Variants in CD226 observed in about 807,000 individuals in gnomAD.
CD226 encodes the protein CD226 antigen.
In CD226, 24 loss-of-function variants were observed where a neutral mutation model predicts 34.9. That is an observed-to-expected ratio of 0.69 (90% CI 0.50 to 0.97). CD226 has a LOEUF of 0.97. Ranked by LOEUF, CD226 falls within the 50% of genes least tolerant of loss-of-function variation. CD226 has a pLI of 0.00. For synonymous variants in CD226, 148 were observed against 147.4 expected, an observed-to-expected ratio of 1.00 and a Z score of -0.03; for missense variants, 397 against 412.7, an observed-to-expected ratio of 0.96 and a Z score of 0.33.
In CD226 at chr18:69,864,004, C is replaced by T. The variant is rs994182263; in HGVS notation, c.*310G>A. 5 of 200,218 alleles carry T rather than the reference C, an allele frequency of 2.5e-5. No individual in the cohort carries two copies. In the East Asian group the frequency reaches 6.3e-4, roughly 25 times the overall value. 12.4% of individuals were successfully genotyped at this position (200,218 alleles called of 1,614,324 possible). A position where few individuals can be genotyped will look rare whatever the true frequency, so the allele number is the denominator to read the frequency against. On this transcript the variant is annotated 3_prime_UTR_variant, in exon 6 of 6. Transcript: ENST00000582621. ...AAAGGGATTCAGAAGCCAGTTTATG[C>T]CCATACTTAATTCTAGACACAACAT...
upstream of CD226, among the ~76,000 whole-genome samples, chr18:69,959,597 G>A (rs914312747): frequency 5.9e-5 from 9 of 151,944 alleles, no homozygotes; most frequent in Non-Finnish European, 1.0e-4. Flanking sequence ...AAGGTGACCC[G>A]AGTTTCTCTT....
Position 69,864,274 on chromosome 18 carries a change from C to T in CD226, c.*40G>A, listed in dbSNP as rs1345045113. ...TTGCATAAAGATCCATGCATGAGTA[C>T]ATAAGAGTCATTACTAATGCACTCA... On this transcript the variant is annotated 3_prime_UTR_variant, in exon 6 of 6. Coordinates refer to ENST00000582621, the MANE Select transcript of CD226 (RefSeq NM_001303618.2). 1.9e-6 allele frequency: 3 copies of T among 1,607,268 alleles called. No individual in the cohort carries two copies. The highest frequency in any genetic ancestry group is 3.3e-5 in the Admixed American group (2 of 59,916).
chr18:69,917,966 T>G (rs2055405777), intron 2 of CD226, among the ~76,000 whole-genome samples: 1 of 152,074 alleles, frequency 6.6e-6, no homozygotes. Context: ...TGAAAACAAG[T>G]CAGCTGCCCA....
At position 69,907,324 on chromosome 18, in the gene CD226, T is replaced by G. The variant is rs1365537474; in HGVS notation, c.383-11279A>C. On this transcript the variant is annotated intron_variant, in intron 2 of 5. Transcript: ENST00000582621. ...GAACCAGATTCCTAAATGTCTTTTTTGTTTGTTTTTCAGATGGAGTCCCAC... is the reference window on the plus strand; with the variant it reads ...GAACCAGATTCCTAAATGTCTTTTTGGTTTGTTTTTCAGATGGAGTCCCAC... 3.9e-5 allele frequency among the ~76,000 whole-genome samples: 6 copies of G among 152,204 alleles called. 1 individual carries two copies. The highest frequency in any genetic ancestry group is 1.4e-4 in the African/African-American group (6 of 41,456).
chr18:69,865,049 G>C (rs979426345), intron 5 of CD226, among the ~76,000 whole-genome samples: 4 of 152,164 alleles, frequency 2.6e-5, no homozygotes, highest in African/African-American at 9.7e-5. Flanking sequence ...CTGGAGTGCA[G>C]TGGCGCAATC....
At position 69,890,005 on chromosome 18, in the gene CD226, A is replaced by T. The variant is rs546729330; in HGVS notation, c.727+5696T>A. Among the ~76,000 whole-genome samples, 4 of 152,356 alleles carry T rather than the reference A, an allele frequency of 2.6e-5. No homozygotes were observed. The East Asian group carries it at 5.8e-4, about 22-fold the overall frequency. On this transcript the variant is annotated intron_variant, in intron 3 of 5. Coordinates refer to ENST00000582621, the MANE Select transcript of CD226 (RefSeq NM_001303618.2). ...TCTGAAAGTTATATATGTAAACAAGAGTTCATGAAAGTTTTTTCTCCAATC... is the reference window on the plus strand; with the variant it reads ...TCTGAAAGTTATATATGTAAACAAGTGTTCATGAAAGTTTTTTCTCCAATC...
intron 2 of CD226, among the ~76,000 whole-genome samples, chr18:69,924,056 T>A (rs982710617): frequency 6.6e-5 from 10 of 151,754 alleles, no homozygotes; most frequent in East Asian, 1.9e-4. Flanking sequence ...AACTCATATC[T>A]AAATAGCAAC....
intron 2 of CD226, among the ~76,000 whole-genome samples, chr18:69,918,713 C>A (rs1047308251): frequency 5.3e-5 from 8 of 152,090 alleles, no homozygotes; most frequent in Admixed American, 3.9e-4. Flanking sequence ...TGTGCAGGGA[C>A]ACAGTAGGAA....
intron 2 of CD226, among the ~76,000 whole-genome samples, chr18:69,914,924 G>A (rs992016427): frequency 6.6e-6 from 1 of 152,088 alleles, no homozygotes; most frequent in African/African-American, 2.4e-5. Flanking sequence ...TTCTACTCTT[G>A]TTCAGTTTAA....
chr18:69,906,664 T>G (rs2055257505), intron 2 of CD226, among the ~76,000 whole-genome samples: 1 of 152,236 alleles, frequency 6.6e-6, no homozygotes, highest in Admixed American at 6.5e-5. Flanking sequence ...AGGTGAGGAT[T>G]TCTTGGAGGA....
chr18:69,914,602 G>A (rs2055363844), intron 2 of CD226, among the ~76,000 whole-genome samples: 1 of 152,112 alleles, frequency 6.6e-6, no homozygotes, highest in Admixed American at 6.5e-5. Context: ...TAGACTTTTG[G>A]CCCTCCTTCT....
At chr18:69,878,542 A>G (rs1484656225) in intron 3 of CD226, among the ~76,000 whole-genome samples, 1 of 152,072 alleles carries the variant, frequency 6.6e-6, no homozygotes, top group African/African-American at 2.4e-5. Context: ...GTGGGGGTGG[A>G]GTTAGGGAGT....
rs956133312 is a variant in CD226, at chr18:69,862,768, A to C, written c.*1546T>G. 6.6e-6 allele frequency: 1 copy of C among 152,180 alleles called. No individual in the cohort carries two copies. The highest frequency in any genetic ancestry group is 1.5e-5 in the Non-Finnish European group (1 of 68,018). The allele number at this position is 152,180 out of a possible 1,614,324, so 9.4% of individuals were successfully genotyped here. ...TTAAAAGTGTAAATTACATCTTAGA[A>C]TCTGTCTAGGCAACAGGAGAATTTG... is the stretch of plus-strand genomic sequence containing the variant. On this transcript the variant is annotated 3_prime_UTR_variant, in exon 6 of 6. Coordinates refer to ENST00000582621, the MANE Select transcript of CD226 (RefSeq NM_001303618.2).
intron 4 of CD226, among the ~76,000 whole-genome samples, chr18:69,868,393 C>T (rs990218300): frequency 1.3e-5 from 2 of 152,114 alleles, no homozygotes; most frequent in African/African-American, 4.8e-5. Flanking sequence ...GGTCTTTCTC[C>T]AGGGAAAGGT....
intron 2 of CD226, among the ~76,000 whole-genome samples, chr18:69,932,612 T>C (rs1021516601): frequency 1.2e-4 from 18 of 152,214 alleles, no homozygotes; most frequent in African/African-American, 4.3e-4. Flanking sequence ...ACCAGCCTCA[T>C]TTTGCTTTTG....
At chr18:69,913,569 T>C (rs1191352347) in intron 2 of CD226, among the ~76,000 whole-genome samples, 4 of 152,218 alleles carry the variant, frequency 2.6e-5, no homozygotes, top group African/African-American at 9.7e-5. Context: ...AAAAAATAGA[T>C]CATCTTAGAG....
chr18:69,876,597 A>C lies in CD226; in HGVS notation c.728-3351T>G, dbSNP rs118067008. On this transcript the variant is annotated intron_variant, in intron 3 of 5. Coordinates refer to ENST00000582621, the MANE Select transcript of CD226 (RefSeq NM_001303618.2). ...AGTTTGACACCTGTGTAGAAAAAAA[A>C]CTCTCCAATTGTGTTTTTTCTCTGC... 5.8e-3 allele frequency among the ~76,000 whole-genome samples: 886 copies of C among 152,044 alleles called. 27 individuals carry two copies. The East Asian group carries it at 0.087, about 15-fold the overall frequency.
At chr18:69,933,945 A>G (rs1442762043) in intron 2 of CD226, among the ~76,000 whole-genome samples, 1 of 152,254 alleles carries the variant, frequency 6.6e-6, no homozygotes, top group Admixed American at 6.5e-5. Flanking sequence ...AGAAGTTACA[A>G]GCCCTATGTT....
At chr18:69,877,509 CA>C (rs755801757) in intron 3 of CD226, among the ~76,000 whole-genome samples, 7 of 152,156 alleles carry the variant, frequency 4.6e-5, no homozygotes, top group Non-Finnish European at 7.3e-5. Context: ...GGGCAAAAAG[CA>C]TATCATCTAA....
Sources: allele counts gnomAD v4.1 joint callset (sites outside exome capture counted in the v4.1 genomes callset), GRCh38; gene constraint gnomAD v4.1.1; transcripts MANE v1.5; gene names NCBI Gene and HGNC (gene_info 2026-07-23, HGNC 2026-07-21).